The following LIMA1 variants were observed in gnomAD, a reference collection of about 807,000 sequenced individuals.
The protein encoded by LIMA1 is LIM domain and actin-binding protein 1.
Under a neutral mutation model 62.6 loss-of-function variants are expected in LIMA1, and 52 were observed. The observed-to-expected ratio is 0.83, with a 90% confidence interval of 0.67 to 1.05. LIMA1 has a LOEUF of 1.05. Among genes scored for constraint, LIMA1 ranks in the 50% least tolerant of loss-of-function variants. The pLI, the probability that LIMA1 is intolerant of heterozygous loss-of-function variation, is 0.00. For synonymous variants in LIMA1, 302 were observed against 317.8 expected (o/e 0.95, Z 0.53); for missense variants, 780 against 902.2 (o/e 0.86, Z 1.74).
intron 1 of LIMA1, among the ~76,000 whole-genome samples, chr12:50,269,543 A>T (rs182124784): frequency 1.3e-5 from 2 of 152,342 alleles, no homozygotes; most frequent in East Asian, 3.9e-4. Context: ...GGTTACTACC[A>T]GGAACACCAG....
intron 2 of LIMA1, among the ~76,000 whole-genome samples, chr12:50,234,604 G>A (rs900550735): frequency 6.6e-6 from 1 of 152,064 alleles, no homozygotes; most frequent in African/African-American, 2.4e-5. Flanking sequence ...GCCTCTCCTT[G>A]GGCCTGCCTT....
chr12:50,278,158 T>C (rs1203769620), intron 1 of LIMA1, among the ~76,000 whole-genome samples: 1 of 151,126 alleles, frequency 6.6e-6, no homozygotes, highest in African/African-American at 2.4e-5. Context: ...AGGTGGCTCA[T>C]GCCTGTAATC....
intron 1 of LIMA1, among the ~76,000 whole-genome samples, chr12:50,271,220 G>A (rs140496458): frequency 6.6e-6 from 1 of 152,164 alleles, no homozygotes; most frequent in Non-Finnish European, 1.5e-5. Flanking sequence ...GCAGTGAGCC[G>A]TGACTATGCC....
In LIMA1 at chr12:50,248,487, C is replaced by T. The variant is rs1009569486; in HGVS notation, c.119+146G>A. On this transcript the variant is annotated intron_variant, in intron 2 of 10. Transcript: ENST00000341247. ...TCTGATTATTACCCTCCTCCTCCTT[C>T]TCCACAGTACCTCATATAGTGTTTA... 3 of 550,762 alleles carry T rather than the reference C, an allele frequency of 5.4e-6. No individual in the cohort carries two copies. In the African/African-American group the frequency reaches 5.7e-5, roughly 10 times the overall value. The allele number at this position is 550,762 out of a possible 1,614,324, so 34.1% of individuals were successfully genotyped here.
intron 4 of LIMA1, among the ~76,000 whole-genome samples, chr12:50,212,008 T>G (rs148735059): frequency 9.2e-5 from 14 of 152,320 alleles, no homozygotes; most frequent in African/African-American, 3.1e-4. Context: ...CAGCTGACAA[T>G]AACTCTTGTT....
intron 7 of LIMA1, among the ~76,000 whole-genome samples, chr12:50,198,845 A>G (rs972699575): frequency 5.3e-5 from 8 of 152,232 alleles, no homozygotes; most frequent in Admixed American, 1.3e-4. Context: ...ACTTATTTCA[A>G]TTAAGCCATT....
intron 1 of LIMA1, among the ~76,000 whole-genome samples, chr12:50,261,498 C>T (rs541418246): frequency 3.3e-5 from 5 of 152,204 alleles, no homozygotes; most frequent in South Asian, 2.1e-4. Context: ...CTACTCCCCC[C>T]GAGGACACTG....
intron 1 of LIMA1, among the ~76,000 whole-genome samples, chr12:50,269,050 G>A (rs1942172621): frequency 6.6e-6 from 1 of 152,102 alleles, no homozygotes; most frequent in Admixed American, 6.6e-5. Flanking sequence ...TCTACATATT[G>A]AGTCTACCAC....
At chr12:50,234,227 G>A (rs750800914) in intron 2 of LIMA1, 6 of 358,434 alleles carry the variant, frequency 1.7e-5, no homozygotes, top group African/African-American at 1.0e-4. Flanking sequence ...TTTTTTTTTT[G>A]AGACAGAGTC....
At chr12:50,283,217 C>T (rs1024406188) in intron 1 of LIMA1, among the ~76,000 whole-genome samples, 5 of 151,464 alleles carry the variant, frequency 3.3e-5, no homozygotes, top group Non-Finnish European at 7.4e-5. Flanking sequence ...AAGGCTCAGC[C>T]CGACATAAGC....
intron 4 of LIMA1, among the ~76,000 whole-genome samples, chr12:50,209,046 G>T (rs536616070): frequency 6.8e-6 from 1 of 148,026 alleles, no homozygotes; most frequent in Admixed American, 6.8e-5. Context: ...GCCCAGGCTG[G>T]TCTCAAACTC....
Position 50,177,947 on chromosome 12 carries a change from G to T in LIMA1, c.1397C>A (p.Ala466Glu). 6.2e-7 allele frequency: 1 copy of T among 1,613,910 alleles called. No individual in the cohort carries two copies. Residue 466 changes from alanine to glutamate, a missense_variant, in exon 11 of 11, where the codon GCA becomes GAA. Ala to Glu is a moderately radical substitution (Grantham distance 107). Transcript: ENST00000341247. ...AATCTCTTCGTTTTCATTTTTGCTT[G>T]CCCATAGATCCTTGTGTGGTCTGTG... ...FGHRPHKDLWASKNENEEILE... is the reference protein window; with the variant it reads ...FGHRPHKDLWESKNENEEILE...
rs1213835528 is a variant in LIMA1, at chr12:50,248,664, T to A, written c.88A>T (p.Lys30Ter). The change falls in exon 2 of 11, where the codon AAG becomes TAG. Residue 30 changes from lysine to a stop codon, truncating the protein, a stop_gained. Transcript: ENST00000341247. LOFTEE classifies it high-confidence loss of function. ...AATATTTCCACAATAGCCGATGACT[T>A]GTTCTTGTTGACAAGAGAAAGTTCT... is the stretch of plus-strand genomic sequence containing the variant. ...AKELSLVNKN[K>*]SSAIVEIFSK... 3 of 1,613,006 alleles carry A rather than the reference T, an allele frequency of 1.9e-6. No individual in the cohort carries two copies. The highest frequency in any genetic ancestry group is 2.5e-6 in the Non-Finnish European group (3 of 1,179,056).
chr12:50,221,951 A>T, intron 4 of LIMA1, 70 bp downstream of exon 4: 2 of 1,344,420 alleles, frequency 1.5e-6, no homozygotes, highest in Non-Finnish European at 2.1e-6. Context: ...CAAAATAGCT[A>T]GATTGGAAAA....
At chr12:50,231,221 G>GA (rs1941606779) in intron 3 of LIMA1, among the ~76,000 whole-genome samples, 1 of 152,152 alleles carries the variant, frequency 6.6e-6, no homozygotes, top group Non-Finnish European at 1.5e-5. Context: ...CTGCAGCTAG[G>GA]AAACTTGCTA....
At chr12:50,212,347 G>A (rs896734547) in intron 4 of LIMA1, among the ~76,000 whole-genome samples, 2 of 152,164 alleles carry the variant, frequency 1.3e-5, no homozygotes, top group African/African-American at 4.8e-5. Context: ...CAAGGGCAGA[G>A]GAAGGTTGGC....
At chr12:50,210,700 A>C (rs1472157864) in intron 4 of LIMA1, among the ~76,000 whole-genome samples, 1 of 152,186 alleles carries the variant, frequency 6.6e-6, no homozygotes, top group Non-Finnish European at 1.5e-5. Flanking sequence ...TAAACGCATA[A>C]AATTTCCCAT....
At chr12:50,256,861 T>C (rs1942003512) in intron 1 of LIMA1, among the ~76,000 whole-genome samples, 1 of 152,192 alleles carries the variant, frequency 6.6e-6, no homozygotes, top group South Asian at 2.1e-4. Flanking sequence ...TAGATTGAGA[T>C]TATAAATGTT....
intron 7 of LIMA1, among the ~76,000 whole-genome samples, chr12:50,198,076 T>C (rs965699241): frequency 6.6e-6 from 1 of 152,242 alleles, no homozygotes; most frequent in African/African-American, 2.4e-5. Flanking sequence ...GATGTTTTTA[T>C]AAAATAAACT....
Sources: gnomAD v4.1 joint callset for allele counts (sites outside exome capture counted in the v4.1 genomes callset) on GRCh38, gnomAD v4.1.1 for gene constraint, MANE v1.5 for transcripts, NCBI Gene and HGNC (gene_info 2026-07-23, HGNC 2026-07-21) for gene names.